WDR64: variants seen among roughly 807,000 people sequenced by gnomAD.
WDR64 encodes the protein WD repeat-containing protein 64.
Under a neutral mutation model 139.3 loss-of-function variants are expected in WDR64, and 112 were observed. The observed-to-expected ratio is 0.80, with a 90% CI of 0.69 to 0.94. The LOEUF (loss-of-function observed/expected upper bound fraction) is 0.94. WDR64 is among the 40% of genes least tolerant of loss of function. The pLI, the probability that WDR64 is intolerant of heterozygous loss-of-function variation, is 0.00. For missense variants in WDR64, 1,206 were observed against 1,293.1 expected, an observed-to-expected ratio of 0.93 and a Z score of 1.03; for synonymous variants, 444 against 437.7, an observed-to-expected ratio of 1.01 and a Z score of -0.18.
chr1:241,708,712 G>GT (rs1242904479), intron 8 of WDR64, among the ~76,000 whole-genome samples: 33 of 43,830 alleles, frequency 7.5e-4, no homozygotes, highest in Admixed American at 1.2e-3. Flanking sequence ...TTGTTTTTTT[G>GT]TTTTTTTTTT....
At chr1:241,676,438 C>T (rs1666556533) in intron 4 of WDR64, 2 of 152,228 alleles carry the variant, frequency 1.3e-5, no homozygotes, top group East Asian at 1.9e-4. Flanking sequence ...TATATAAAAA[C>T]CTTCTTGATC....
intron 8 of WDR64, among the ~76,000 whole-genome samples, chr1:241,710,619 G>A (rs1668121975): frequency 6.6e-6 from 1 of 152,286 alleles, no homozygotes; most frequent in African/African-American, 2.4e-5. Context: ...TAGTGGGGCT[G>A]GGGTCTGGGA....
intron 16 of WDR64, among the ~76,000 whole-genome samples, chr1:241,769,183 G>A (rs1017763891): frequency 2.0e-5 from 3 of 152,102 alleles, no homozygotes; most frequent in African/African-American, 7.2e-5. Flanking sequence ...GATTAGACAG[G>A]TTAGTTGAAT....
intron 2 of WDR64, among the ~76,000 whole-genome samples, chr1:241,670,630 G>T (rs1666188705): frequency 6.6e-6 from 1 of 152,170 alleles, no homozygotes; most frequent in Non-Finnish European, 1.5e-5. Context: ...GGACTGTTAG[G>T]AACTGGGCCG....
At position 241,772,898 on chromosome 1, in the gene WDR64, T is replaced by C. The variant is rs1308146297; in HGVS notation, c.2397T>C (p.His799=). ...EAQPPILVTA[H]EDGHLRLWTL... is the part of the protein sequence containing the mutation. ...AGCCACCTATCCTTGTCACTGCTCA[T>C]GAGGATGGACACCTCCGCTTGTGGA... The change falls in exon 20 of 28, where the codon CAT becomes CAC. Residue 799 remains histidine, a synonymous_variant. Transcript: ENST00000437684. 1 of 1,551,876 alleles carries C rather than the reference T, an allele frequency of 6.4e-7. No individual in the cohort carries two copies. Among genetic ancestry groups the C allele is most frequent in the South Asian group, 1.2e-5 (1 of 84,050 alleles).
intron 10 of WDR64, among the ~76,000 whole-genome samples, chr1:241,728,778 C>T (rs765073954): frequency 6.6e-6 from 1 of 151,780 alleles, no homozygotes. Context: ...GGTTGGAAAC[C>T]TTCTCAAGCA....
intron 1 of WDR64, among the ~76,000 whole-genome samples, chr1:241,660,266 G>C (rs888911238): frequency 1.1e-4 from 17 of 152,110 alleles, no homozygotes; most frequent in African/African-American, 4.1e-4. Flanking sequence ...TGTTCCATTG[G>C]TCTGAGTGTG....
intron 19 of WDR64, among the ~76,000 whole-genome samples, 176 bp from the exon 20 acceptor site, chr1:241,772,616 C>T (rs1433839855): frequency 1.3e-5 from 2 of 151,738 alleles, no homozygotes; most frequent in African/African-American, 2.4e-5. Flanking sequence ...GCGCCCACCA[C>T]CACACCTGGC....
intron 1 of WDR64, among the ~76,000 whole-genome samples, chr1:241,659,906 G>C (rs994906553): frequency 6.6e-6 from 1 of 152,138 alleles, no homozygotes; most frequent in Non-Finnish European, 1.5e-5. Flanking sequence ...AAGCTCTTAA[G>C]TTTAATTAGA....
chr1:241,718,727 G>C (rs1238954074), intron 9 of WDR64, among the ~76,000 whole-genome samples: 1 of 152,172 alleles, frequency 6.6e-6, no homozygotes, highest in Non-Finnish European at 1.5e-5. Flanking sequence ...ATTTTCTGGA[G>C]GCTAGAAGTG....
At chr1:241,744,253 A>T in intron 12 of WDR64, 140 bp from the exon 13 acceptor site, 1 of 1,040,584 alleles carries the variant, frequency 9.6e-7, no homozygotes, top group Non-Finnish European at 1.4e-6. Context: ...GATAAAACCA[A>T]CATTCAGGGC....
intron 13 of WDR64, among the ~76,000 whole-genome samples, chr1:241,746,358 A>T (rs1014725183): frequency 1.3e-5 from 2 of 152,058 alleles, no homozygotes; most frequent in African/African-American, 4.8e-5. Context: ...AGAATTCTCT[A>T]CTCTGAGCAA....
chr1:241,713,161 A>C (rs973278428), intron 9 of WDR64, among the ~76,000 whole-genome samples: 1 of 150,700 alleles, frequency 6.6e-6, no homozygotes, highest in Admixed American at 6.6e-5. Flanking sequence ...AAAAATTAAA[A>C]ATTAGCTGAG....
intron 14 of WDR64, 111 bp downstream of exon 14, chr1:241,749,833 T>TAAATACCATCTTCA: frequency 7.9e-7 from 1 of 1,264,470 alleles, no homozygotes; most frequent in Non-Finnish European, 1.1e-6. Context: ...CAGCTGAAGA[T>TAAATACCATCTTCA]GGTATTTATC....
chr1:241,716,369 A>G (rs983674626), intron 9 of WDR64, among the ~76,000 whole-genome samples: 10 of 152,012 alleles, frequency 6.6e-5, no homozygotes, highest in African/African-American at 2.2e-4. Context: ...GTGACCATCA[A>G]GAATATTTTT....
chr1:241,780,166 T>C, intron 22 of WDR64, 104 bp downstream of exon 22: 2 of 970,554 alleles, frequency 2.1e-6, no homozygotes, highest in South Asian at 1.6e-5. Context: ...GACTCTCTGT[T>C]GTCAAGGCAC....
intron 23 of WDR64, among the ~76,000 whole-genome samples, chr1:241,784,601 T>C (rs2148320443): frequency 6.6e-6 from 1 of 152,258 alleles, no homozygotes; most frequent in South Asian, 2.1e-4. Flanking sequence ...GAATTCAAGA[T>C]GAATCTTTGG....
At chr1:241,782,713 T>A (rs1282887730) in intron 22 of WDR64, among the ~76,000 whole-genome samples, 2 of 152,178 alleles carry the variant, frequency 1.3e-5, no homozygotes, top group Admixed American at 1.3e-4. Flanking sequence ...TGACAGATGA[T>A]TCATGATGTT....
intron 9 of WDR64, among the ~76,000 whole-genome samples, chr1:241,721,638 A>G (rs1258631245): frequency 6.6e-6 from 1 of 151,884 alleles, no homozygotes; most frequent in African/African-American, 2.4e-5. Flanking sequence ...GGATTATGCA[A>G]CTTCTAGGAT....
Sources: allele counts gnomAD v4.1 joint callset (sites outside exome capture counted in the v4.1 genomes callset), GRCh38; gene constraint gnomAD v4.1.1; transcripts MANE v1.5; gene names NCBI Gene and HGNC (gene_info 2026-07-23, HGNC 2026-07-21).